OSBP2: variants seen among roughly 807,000 people sequenced by gnomAD.
OSBP2 encodes oxysterol binding protein 2.
Under a neutral mutation model 96.0 loss-of-function variants are expected in OSBP2, and 66 were observed. That is an observed-to-expected ratio of 0.69 (90% CI 0.56 to 0.84). The LOEUF is 0.84. Ranked by LOEUF, OSBP2 falls within the 40% of genes least tolerant of loss-of-function variation. OSBP2 has a pLI of 0.00. For synonymous variants in OSBP2, 525 were observed against 520.9 expected (o/e 1.01, Z -0.11); for missense variants, 1,038 against 1,222.7 (o/e 0.85, Z 2.25).
chr22:30,832,104 G>A (rs2038534603), intron 2 of OSBP2, among the ~76,000 whole-genome samples: 1 of 152,028 alleles, frequency 6.6e-6, no homozygotes, highest in African/African-American at 2.4e-5. Context: ...ACTTTTTCCA[G>A]TATGAGCCTT....
chr22:30,709,698 T>A (rs570099422), intron 1 of OSBP2, among the ~76,000 whole-genome samples: 30 of 150,352 alleles, frequency 2.0e-4, no homozygotes, highest in Admixed American at 4.6e-4. Flanking sequence ...TCTAATTATT[T>A]AAAAAAAATT....
chr22:30,869,513 G>A (rs1338298498), intron 2 of OSBP2, among the ~76,000 whole-genome samples: 1 of 151,990 alleles, frequency 6.6e-6, no homozygotes, highest in African/African-American at 2.4e-5. Flanking sequence ...TTGTTTGTTT[G>A]TTGTTGTGTT....
At chr22:30,734,860 C>T (rs976208769) in intron 1 of OSBP2, among the ~76,000 whole-genome samples, 1 of 152,112 alleles carries the variant, frequency 6.6e-6, no homozygotes, top group Admixed American at 6.6e-5. Flanking sequence ...TGTATAATTC[C>T]TTCCAAATAA....
At chr22:30,738,916 C>A (rs895556851) in intron 1 of OSBP2, among the ~76,000 whole-genome samples, 4 of 151,834 alleles carry the variant, frequency 2.6e-5, no homozygotes, top group African/African-American at 4.8e-5. Flanking sequence ...ATAGAAGAAT[C>A]AAAAAAATGA....
chr22:30,808,171 C>G (rs570386733), intron 2 of OSBP2, among the ~76,000 whole-genome samples: 1 of 152,038 alleles, frequency 6.6e-6, no homozygotes, highest in Admixed American at 6.6e-5. Flanking sequence ...TTGTCATAAG[C>G]GAGGTATACA....
rs1027337789 is a variant in OSBP2, at chr22:30,706,472, G to A, written c.644+10919G>A. Reference sequence around the variant, plus strand: ...AATCTTGACTCACACCATTTGATCTGCATTGCTGGGCCATTGCCTGAAACC... The same window carrying A: ...AATCTTGACTCACACCATTTGATCTACATTGCTGGGCCATTGCCTGAAACC... On this transcript the variant is annotated intron_variant, in intron 1 of 13. Transcript: ENST00000332585. Among the ~76,000 whole-genome samples, 4 of 152,144 alleles carry A rather than the reference G, an allele frequency of 2.6e-5. No individual in the cohort carries two copies. The East Asian group carries it at 5.8e-4, about 22-fold the overall frequency.
chr22:30,695,374 A>G lies in OSBP2; in HGVS notation c.465A>G (p.Pro155=). The part of the protein sequence containing the change: ...PALKPLPLLR[P]GQAKTPLGVP... The stretch of plus-strand genomic sequence containing the variant: ...TAAAGCCCCTGCCTCTTCTGCGACC[A>G]GGACAGGCGAAGACTCCTCTTGGGG... Residue 155 remains proline (P), a synonymous_variant, in exon 1 of 14, where the codon CCA becomes CCG. Coordinates refer to ENST00000332585, the MANE Select transcript of OSBP2 (RefSeq NM_030758.4). The G allele has an allele frequency of 6.2e-7, 1 of 1,613,736 alleles. No individual in the cohort carries two copies. The highest frequency in any genetic ancestry group is 8.5e-7 in the Non-Finnish European group (1 of 1,180,036).
chr22:30,803,575 A>G lies in OSBP2; in HGVS notation c.853+62206A>G, dbSNP rs980245101. 3.9e-5 allele frequency among the ~76,000 whole-genome samples: 6 copies of G among 152,356 alleles called. No homozygotes were observed. The East Asian group carries it at 9.7e-4, about 25-fold the overall frequency. The stretch of plus-strand genomic sequence containing the variant: ...CTAGCCACTGGAATTCAGCCCAGAC[A>G]GAGGCCAGCCATCTTTTAGCAGGGG... On this transcript the variant is annotated intron_variant, in intron 2 of 13. Transcript: ENST00000332585.
intron 1 of OSBP2, among the ~76,000 whole-genome samples, chr22:30,710,421 T>A (rs974230954): frequency 3.3e-5 from 5 of 152,216 alleles, no homozygotes; most frequent in Non-Finnish European, 7.3e-5. Context: ...GTTTGATGTG[T>A]TTCCCACTAC....
At chr22:30,863,714 T>C (rs1023821479) in intron 2 of OSBP2, among the ~76,000 whole-genome samples, 5 of 152,120 alleles carry the variant, frequency 3.3e-5, no homozygotes, top group Non-Finnish European at 5.9e-5. Flanking sequence ...GCAGTGCCTG[T>C]CTCCATTAAT....
At position 30,890,631 on chromosome 22, in the gene OSBP2, T is replaced by TCTGAGCAGGGATGTCC; in HGVS notation, c.1624-92_1624-77dup. 7.2e-7 allele frequency: 1 copy of TCTGAGCAGGGATGTCC among 1,390,092 alleles called. No individual in the cohort carries two copies. Among genetic ancestry groups the TCTGAGCAGGGATGTCC allele is most frequent in the Non-Finnish European group, 9.9e-7 (1 of 1,005,380 alleles). 86.1% of individuals were successfully genotyped at this position (1,390,092 alleles called of 1,614,324 possible). A position where few individuals can be genotyped will look rare whatever the true frequency, so the allele number is the denominator to read the frequency against. On this transcript the variant is annotated intron_variant, in intron 7 of 13. Transcript: ENST00000332585. The surrounding 1 kb of genome is among the most constrained non-coding windows in gnomAD (Gnocchi z 4.4). ...GAGGAGCCTCACTGTGAAGGTGCTG[T>TCTGAGCAGGGATGTCC]CTGAGCAGGGATGTCCCTGAACATC...
At chr22:30,694,127 G>A (rs1379487843), upstream of OSBP2, 7 of 1,549,318 alleles carry the variant, frequency 4.5e-6, no homozygotes, top group Non-Finnish European at 6.1e-6. Context: ...ATCCCGGGAG[G>A]TCCAAGTTCA....
At chr22:30,804,901 A>C (rs1429199644) in intron 2 of OSBP2, among the ~76,000 whole-genome samples, 1 of 152,256 alleles carries the variant, frequency 6.6e-6, no homozygotes, top group Non-Finnish European at 1.5e-5. Context: ...ACTAAGCAGT[A>C]GGACATCGTT....
chr22:30,779,326 C>T (rs1261799073), intron 2 of OSBP2, among the ~76,000 whole-genome samples: 1 of 150,518 alleles, frequency 6.6e-6, no homozygotes. Flanking sequence ...GTCTTGCACT[C>T]CTGACCTCAG....
intron 2 of OSBP2, among the ~76,000 whole-genome samples, chr22:30,790,559 T>G (rs1236975708): frequency 2.0e-5 from 3 of 151,822 alleles, no homozygotes; most frequent in East Asian, 3.9e-4. Flanking sequence ...TTTCTACTGC[T>G]GCTTGCTCAT....
At chr22:30,812,662 A>G (rs528052947) in intron 2 of OSBP2, among the ~76,000 whole-genome samples, 1 of 152,328 alleles carries the variant, frequency 6.6e-6, no homozygotes, top group East Asian at 1.9e-4. Flanking sequence ...TTGCTATGTT[A>G]CAAGGAGATG....
At chr22:30,796,151 C>T (rs1223231729) in intron 2 of OSBP2, among the ~76,000 whole-genome samples, 1 of 152,064 alleles carries the variant, frequency 6.6e-6, no homozygotes, top group East Asian at 1.9e-4. Flanking sequence ...GGCATTGAGT[C>T]TTTGAGAACT....
chr22:30,743,043 C>A (rs2089960112), intron 2 of OSBP2, among the ~76,000 whole-genome samples: 1 of 152,178 alleles, frequency 6.6e-6, no homozygotes, highest in Admixed American at 6.5e-5. Flanking sequence ...TCTACACATG[C>A]AACAGTGATC....
intron 12 of OSBP2, among the ~76,000 whole-genome samples, chr22:30,897,800 A>G (rs567446278): frequency 1.3e-5 from 2 of 152,130 alleles, no homozygotes; most frequent in Admixed American, 1.3e-4. Context: ...AAATACAAAA[A>G]TTAGCCGAGC....
Sources: allele counts gnomAD v4.1 joint callset (sites outside exome capture counted in the v4.1 genomes callset), GRCh38; gene constraint gnomAD v4.1.1; non-coding constraint Gnocchi (gnomAD v3.1); transcripts MANE v1.5; gene names NCBI Gene and HGNC (gene_info 2026-07-23, HGNC 2026-07-21).